The following PRKN variants were observed in gnomAD, a reference collection of about 807,000 sequenced individuals.
PRKN encodes parkin RBR E3 ubiquitin protein ligase, also known as E3 ubiquitin-protein ligase parkin.
PRKN carries 56 observed loss-of-function variants against 59.5 expected under a neutral mutation model. That is an observed-to-expected ratio of 0.94 (90% CI 0.76 to 1.18). The LOEUF is 1.18. Among genes scored for constraint, PRKN ranks in the 50% most tolerant of loss-of-function variants. PRKN has a pLI of 0.00. For synonymous variants in PRKN, 250 were observed against 222.1 expected, an observed-to-expected ratio of 1.13 and a Z score of -1.12; for missense variants, 657 against 596.4, an observed-to-expected ratio of 1.10 and a Z score of -1.06.
chr6:161,401,416 G>C lies in PRKN; in HGVS notation c.1084-14539C>G, dbSNP rs892363030. Among the ~76,000 whole-genome samples the C allele has an allele frequency of 6.6e-6, 1 of 152,144 alleles. No homozygotes were observed. Among genetic ancestry groups the C allele is most frequent in the Non-Finnish European group, 1.5e-5 (1 of 68,040 alleles). ...ACCTGAGGTTAGGAGTTTGAGACCA[G>C]CCTGGCCAACATGGTGAAACCGCAT... On this transcript the variant is annotated intron_variant, in intron 9 of 11. Transcript: ENST00000366898. The surrounding 1 kb of genome is among the most constrained non-coding windows in gnomAD (Gnocchi z 4.4).
At chr6:161,760,602 T>C (rs1789155763) in intron 7 of PRKN, among the ~76,000 whole-genome samples, 1 of 151,924 alleles carries the variant, frequency 6.6e-6, no homozygotes, top group African/African-American at 2.4e-5. Flanking sequence ...AGTCCCTGTT[T>C]CCCCCTTTTC....
intron 2 of PRKN, among the ~76,000 whole-genome samples, chr6:162,359,685 C>T (rs181632501): frequency 1.3e-3 from 204 of 151,932 alleles, no homozygotes; most frequent in Middle Eastern, 3.5e-3. Flanking sequence ...TTAATACCCA[C>T]TTCTTGATCT....
intron 1 of PRKN, among the ~76,000 whole-genome samples, chr6:162,527,750 G>A (rs1345549424): frequency 8.5e-5 from 13 of 152,166 alleles, no homozygotes; most frequent in Admixed American, 8.5e-4. Flanking sequence ...GGGAATAGGA[G>A]AAAGCAATAT....
intron 2 of PRKN, among the ~76,000 whole-genome samples, chr6:162,320,483 C>T (rs958043255): frequency 1.2e-4 from 8 of 68,474 alleles, no homozygotes; most frequent in South Asian, 4.1e-4. Flanking sequence ...ATATGAAAAG[C>T]AAATAGGTAA....
chr6:161,620,863 T>C (rs1408856994), intron 7 of PRKN, among the ~76,000 whole-genome samples: 1 of 152,160 alleles, frequency 6.6e-6, no homozygotes, highest in African/African-American at 2.4e-5. Context: ...TTCCCCATCT[T>C]TTTCTTTTAT....
chr6:162,051,490 C>T (rs930331269), intron 5 of PRKN, among the ~76,000 whole-genome samples: 15 of 152,160 alleles, frequency 9.9e-5, no homozygotes, highest in African/African-American at 3.4e-4. Context: ...GCTGTGCACG[C>T]GCCTCCGCAT....
intron 5 of PRKN, among the ~76,000 whole-genome samples, chr6:161,995,474 G>A (rs756612512): frequency 6.6e-6 from 1 of 152,004 alleles, no homozygotes; most frequent in Non-Finnish European, 1.5e-5. Context: ...GAAACAACCT[G>A]TAGAATGGGA....
chr6:161,548,730 G>A lies in PRKN; in HGVS notation c.1083+124C>T, dbSNP rs182993010. ...GAATTTAAAATCTATTTTCTTATAT[G>A]TAAGTTCAAAGATGTCTAAGTCCAA... On this transcript the variant is annotated intron_variant, in intron 9 of 11. Coordinates refer to ENST00000366898, the MANE Select transcript of PRKN (RefSeq NM_004562.3). This position sits in a 1 kb window ranked among gnomAD's most constrained non-coding sequence, Gnocchi z 4.2. 2.5e-3 allele frequency: 2,212 copies of A among 873,314 alleles called. 37 individuals carry two copies. In the African/African-American group the frequency reaches 0.034, roughly 13 times the overall value. The allele number at this position is 873,314 out of a possible 1,614,324, so 54.1% of individuals were successfully genotyped here. A position where few individuals can be genotyped will look rare whatever the true frequency, so the allele number is the denominator to read the frequency against.
intron 7 of PRKN, among the ~76,000 whole-genome samples, chr6:161,692,752 C>G (rs1187252658): frequency 2.0e-5 from 3 of 151,864 alleles, no homozygotes; most frequent in Non-Finnish European, 4.4e-5. Flanking sequence ...TAAAAACAAA[C>G]AAAACAAACA....
intron 1 of PRKN, among the ~76,000 whole-genome samples, chr6:162,561,716 G>C (rs1268961402): frequency 6.6e-6 from 1 of 152,192 alleles, no homozygotes; most frequent in African/African-American, 2.4e-5. Flanking sequence ...ACAGCAGAAA[G>C]GAAAACCAGA....
chr6:162,082,692 C>T (rs1254957552), intron 4 of PRKN, among the ~76,000 whole-genome samples: 2 of 152,016 alleles, frequency 1.3e-5, no homozygotes, highest in African/African-American at 2.4e-5. Context: ...AAGTGAGAGA[C>T]GTGCCATTCC....
At chr6:162,712,844 C>G (rs537553526) in intron 1 of PRKN, among the ~76,000 whole-genome samples, 19 of 152,244 alleles carry the variant, frequency 1.2e-4, no homozygotes, top group African/African-American at 4.1e-4. Flanking sequence ...ATGTAAAAAC[C>G]AGGGTCACTT....
intron 1 of PRKN, among the ~76,000 whole-genome samples, chr6:162,585,099 C>G (rs1271616207): frequency 6.6e-6 from 1 of 151,154 alleles, no homozygotes; most frequent in Non-Finnish European, 1.5e-5. Context: ...CTGGGTTTCA[C>G]CATCTTGGCC....
chr6:162,414,460 C>A (rs538486634), intron 2 of PRKN, among the ~76,000 whole-genome samples: 3 of 151,952 alleles, frequency 2.0e-5, no homozygotes, highest in South Asian at 4.2e-4. Context: ...GTAATCCCAG[C>A]ACTTTGGGAG....
intron 1 of PRKN, among the ~76,000 whole-genome samples, chr6:162,539,421 A>G (rs566389034): frequency 1.4e-4 from 22 of 151,886 alleles, no homozygotes; most frequent in Non-Finnish European, 2.8e-4. Flanking sequence ...ACTAAGATTA[A>G]TTTCAGTTTC....
At chr6:161,519,093 G>A (rs1778723261) in intron 9 of PRKN, among the ~76,000 whole-genome samples, 1 of 152,164 alleles carries the variant, frequency 6.6e-6, no homozygotes, top group African/African-American at 2.4e-5. Flanking sequence ...TTTGCTTTGG[G>A]AGTATAGGCT....
chr6:161,659,008 T>C (rs1354586772), intron 7 of PRKN, among the ~76,000 whole-genome samples: 1 of 152,244 alleles, frequency 6.6e-6, no homozygotes, highest in Non-Finnish European at 1.5e-5. Flanking sequence ...ACTCATGTTG[T>C]GCTGAGCACA....
At chr6:161,991,498 G>C (rs1315450103) in intron 5 of PRKN, among the ~76,000 whole-genome samples, 4 of 152,140 alleles carry the variant, frequency 2.6e-5, no homozygotes, top group Non-Finnish European at 4.4e-5. Flanking sequence ...AAATGTAAAT[G>C]GATTAATTTC....
chr6:161,991,570 G>GAC (rs1462353794), intron 5 of PRKN, among the ~76,000 whole-genome samples: 93 of 152,136 alleles, frequency 6.1e-4, no homozygotes, highest in Non-Finnish European at 8.5e-4. Context: ...GGCCAGGCGT[G>GAC]GTGGCTCATG....
Sources: allele counts gnomAD v4.1 joint callset (sites outside exome capture counted in the v4.1 genomes callset), GRCh38; gene constraint gnomAD v4.1.1; non-coding constraint Gnocchi (gnomAD v3.1); transcripts MANE v1.5; gene names NCBI Gene and HGNC (gene_info 2026-07-23, HGNC 2026-07-21).